Variants in SARDH observed in about 807,000 individuals in gnomAD.
The protein encoded by SARDH is sarcosine dehydrogenase, mitochondrial.
A neutral mutation model predicts 109.1 loss-of-function variants in SARDH; 95 were observed. The ratio of observed to expected loss-of-function variants is 0.87; its 90% CI spans 0.74 to 1.03. The LOEUF (loss-of-function observed/expected upper bound fraction) is 1.03, where lower values mean the gene tolerates loss of function less well. Ranked by LOEUF, SARDH falls within the 50% of genes least tolerant of loss-of-function variation. SARDH has a pLI of 0.00. For synonymous variants in SARDH, 572 were observed against 534.8 expected, an observed-to-expected ratio of 1.07 and a Z score of -0.96; for missense variants, 1,267 against 1,287.8, an observed-to-expected ratio of 0.98 and a Z score of 0.25.
In SARDH at chr9:133,663,911, T is replaced by C. The variant is rs1829965408; in HGVS notation, c.2735A>G (p.Lys912Arg). The change falls in exon 21 of 21, where the codon AAG becomes AGG. Residue 912 changes from lysine (K) to arginine (R), a missense_variant. Physicochemically the swap from Lys to Arg is conservative, Grantham distance 26 (BLOSUM62 2). Transcript: ENST00000439388. ...HLKSPFDPNN[K>R]RVKGIY ...CCCTCAGTAGATTCCCTTCACCCTCTTGTTGTTGGGGTCGAAGGGCGACTT... is the reference window on the plus strand; with the variant it reads ...CCCTCAGTAGATTCCCTTCACCCTCCTGTTGTTGGGGTCGAAGGGCGACTT... The C allele has an allele frequency of 6.2e-7, 1 of 1,614,062 alleles. No individual in the cohort carries two copies. The highest frequency in any genetic ancestry group is 1.7e-4 in the Middle Eastern group (1 of 6,060).
rs1399862750 is a variant in SARDH at position 133,666,773 on chromosome 9, T to TTACGTA, written c.2592_2593insTACGTA (p.Thr864_Ile865insTyrVal). On this transcript the variant is annotated inframe_insertion, in exon 20 of 21. Coordinates refer to ENST00000439388, the MANE Select transcript of SARDH (RefSeq NM_001134707.2). The surrounding 1 kb of genome is among the most constrained non-coding windows in gnomAD (Gnocchi z 5.2). ...GGGTCATGGATGTAACCGTAGGCGATGGTCTTGTCGATGGCGAACCCAAAG... is the reference window on the plus strand; with the variant it reads ...GGGTCATGGATGTAACCGTAGGCGATTACGTAGGTCTTGTCGATGGCGAACCCAAAG... 1 of 1,602,302 alleles carries TTACGTA rather than the reference T, an allele frequency of 6.2e-7. No individual in the cohort carries two copies.
Position 133,690,367 on chromosome 9 carries a change from A to T in SARDH, c.2069+13T>A. The T allele has an allele frequency of 6.2e-7, 1 of 1,602,708 alleles. No homozygotes were observed. The highest frequency in any genetic ancestry group is 8.5e-7 in the Non-Finnish European group (1 of 1,172,468). On this transcript the variant is annotated intron_variant, in intron 16 of 20. Coordinates refer to ENST00000439388, the MANE Select transcript of SARDH (RefSeq NM_001134707.2). The stretch of plus-strand genomic sequence containing the variant: ...CAGGTGCACCCAGGGGCGGGCTCCC[A>T]GTCCTCTCTCACCTGGCTGGGCCCT...
In SARDH at chr9:133,717,309, C is replaced by G; in HGVS notation, c.1150+17G>C. On this transcript the variant is annotated intron_variant, in intron 8 of 20. Transcript: ENST00000439388. ...GGACCCATGGACGCCCACCCCAGCT[C>G]CGAGGCTGTCACTCACCAGGGCCGC... The G allele has an allele frequency of 1.2e-6, 2 of 1,613,710 alleles. No homozygotes were observed. Among genetic ancestry groups the G allele is most frequent in the Non-Finnish European group, 1.7e-6 (2 of 1,179,716 alleles).
chr9:133,732,670 CAG>C, intron 2 of SARDH, 69 bp from the exon 3 acceptor site: 1 of 1,495,990 alleles, frequency 6.7e-7, no homozygotes, highest in South Asian at 1.3e-5. Context: ...AGACGAATAT[CAG>C]GGGATACCCT....
chr9:133,671,337 C>A (rs1057085964), intron 18 of SARDH, among the ~76,000 whole-genome samples, 198 bp downstream of exon 18: 3 of 152,094 alleles, frequency 2.0e-5, no homozygotes, highest in African/African-American at 7.2e-5. Flanking sequence ...TGCACGAAGA[C>A]CCTGGGCAGC....
At chr9:133,725,027 T>C (rs151257594) in intron 6 of SARDH, among the ~76,000 whole-genome samples, 1,558 of 152,272 alleles carry the variant, frequency 0.01, 23 homozygotes, top group African/African-American at 0.035. Context: ...TAAAGTGCAT[T>C]GTATCCATAC....
intron 6 of SARDH, among the ~76,000 whole-genome samples, chr9:133,729,332 CT>C (rs1169251955): frequency 1.3e-5 from 2 of 152,086 alleles, no homozygotes; most frequent in Admixed American, 1.3e-4. Flanking sequence ...CCCAACCTCC[CT>C]TGGCAGAAGG....
At chr9:133,694,212 G>A in intron 15 of SARDH, 46 bp downstream of exon 15, 1 of 1,398,658 alleles carries the variant, frequency 7.1e-7, no homozygotes, top group Non-Finnish European at 9.9e-7. Context: ...CCAGTCCACA[G>A]AGCAGGCCGC....
At position 133,730,992 on chromosome 9, in the gene SARDH, A is replaced by C. The variant is rs114613451; in HGVS notation, c.690+313T>G. On this transcript the variant is annotated intron_variant, in intron 4 of 20. Coordinates refer to ENST00000439388, the MANE Select transcript of SARDH (RefSeq NM_001134707.2). ...ATACTGTCTCAAACAAACAAACAAA[A>C]AAATTGTTCTACAATGATGTGCGGA... is the stretch of plus-strand genomic sequence containing the variant. Among the ~76,000 whole-genome samples, 1,501 of 152,328 alleles carry C rather than the reference A, an allele frequency of 9.9e-3. 25 individuals carry two copies. Among genetic ancestry groups the C allele is most frequent in the African/African-American group, 0.034 (1,429 of 41,570 alleles).
At chr9:133,670,345 A>AAT (rs1830296734) in intron 19 of SARDH, among the ~76,000 whole-genome samples, 1 of 152,002 alleles carries the variant, frequency 6.6e-6, no homozygotes, top group Non-Finnish European at 1.5e-5. Context: ...AAAAAAAAAA[A>AAT]AAAGAGCAAA....
At chr9:133,660,739 C>T (rs1029412736), downstream of SARDH, among the ~76,000 whole-genome samples, 3 of 152,128 alleles carry the variant, frequency 2.0e-5, no homozygotes, top group African/African-American at 7.2e-5. Context: ...GTGCTCAGAG[C>T]CCTGGGGTGA....
At chr9:133,706,718 C>T (rs1381536354) in intron 11 of SARDH, among the ~76,000 whole-genome samples, 1 of 152,184 alleles carries the variant, frequency 6.6e-6, no homozygotes, top group Non-Finnish European at 1.5e-5. Context: ...AACCCACTCT[C>T]GGGTTTGGAA....
intron 17 of SARDH, among the ~76,000 whole-genome samples, chr9:133,684,946 C>T (rs1244267523): frequency 1.3e-5 from 2 of 152,322 alleles, no homozygotes; most frequent in Admixed American, 1.3e-4. Context: ...GGACTGAGTC[C>T]CTGGCATGCA....
At position 133,693,231 on chromosome 9, in the gene SARDH, G is replaced by A. The variant is rs1260754200; in HGVS notation, c.1921+1027C>T. 1.3e-5 allele frequency among the ~76,000 whole-genome samples: 2 copies of A among 152,046 alleles called. No homozygotes were observed. The highest frequency in any genetic ancestry group is 2.9e-5 in the Non-Finnish European group (2 of 68,020). On this transcript the variant is annotated intron_variant, in intron 15 of 20. Transcript: ENST00000439388. This position sits in a 1 kb window ranked among gnomAD's most constrained non-coding sequence, Gnocchi z 5.6. Reference sequence around the variant, plus strand: ...TGTTTGGCTCACTGTTGGGTCCTCCGTGCCTCAAACTGAGCCTGACACACA... The same window carrying A: ...TGTTTGGCTCACTGTTGGGTCCTCCATGCCTCAAACTGAGCCTGACACACA...
intron 19 of SARDH, among the ~76,000 whole-genome samples, chr9:133,667,876 T>C (rs952168732): frequency 6.6e-6 from 1 of 152,144 alleles, no homozygotes; most frequent in African/African-American, 2.4e-5. Flanking sequence ...AGGCCCCAAC[T>C]GCCCGGAGTC....
At chr9:133,689,905 C>T (rs1278781870) in intron 16 of SARDH, among the ~76,000 whole-genome samples, 5 of 152,168 alleles carry the variant, frequency 3.3e-5, no homozygotes, top group African/African-American at 9.7e-5. Flanking sequence ...GAACACAGCC[C>T]GGCAGGTGTT....
intron 13 of SARDH, among the ~76,000 whole-genome samples, chr9:133,697,821 T>C (rs1473021572): frequency 6.6e-6 from 1 of 152,054 alleles, no homozygotes; most frequent in South Asian, 2.1e-4. Context: ...TACTTCATGA[T>C]GAAAGATCAG....
chr9:133,738,560 G>C (rs1000743091), upstream of SARDH, among the ~76,000 whole-genome samples: 1 of 152,176 alleles, frequency 6.6e-6, no homozygotes, highest in African/African-American at 2.4e-5. Context: ...TCACCCTTCC[G>C]CTCCAACCCT....
At position 133,712,480 on chromosome 9, in the gene SARDH, C is replaced by T; in HGVS notation, c.1328+139G>A. 1.4e-6 allele frequency: 1 copy of T among 712,670 alleles called. No individual in the cohort carries two copies. Among genetic ancestry groups the T allele is most frequent in the Admixed American group, 2.3e-5 (1 of 43,394 alleles). 44.1% of individuals were successfully genotyped at this position (712,670 alleles called of 1,614,324 possible). ...GCACTGCCCACCTTCTGCTGGTGGC[C>T]TTCCTCCCTCACTGCTGCCCCTTCC... On this transcript the variant is annotated intron_variant, in intron 10 of 20. Transcript: ENST00000439388. The surrounding 1 kb of genome is among the most constrained non-coding windows in gnomAD (Gnocchi z 4.1).
Sources: gnomAD v4.1 joint callset for allele counts (sites outside exome capture counted in the v4.1 genomes callset) on GRCh38, gnomAD v4.1.1 for gene constraint, Gnocchi (gnomAD v3.1) non-coding constraint, MANE v1.5 for transcripts, NCBI Gene and HGNC (gene_info 2026-07-23, HGNC 2026-07-21) for gene names.